The following ODR4 variants were observed in gnomAD, a reference collection of about 807,000 sequenced individuals.
ODR4 encodes the protein protein odr-4 homolog.
In ODR4, 47 loss-of-function variants were observed where a neutral mutation model predicts 60.2. That is an observed-to-expected ratio of 0.78 (90% CI 0.62 to 1.00). The LOEUF (loss-of-function observed/expected upper bound fraction) is 1.00. ODR4 is among the 50% of genes least tolerant of loss of function. The probability of loss-of-function intolerance (pLI) is 0.00; values close to 1 mark genes in which losing one functional copy is unlikely to be tolerated. For missense variants in ODR4, 488 were observed against 530.8 expected, an observed-to-expected ratio of 0.92 and a Z score of 0.79; for synonymous variants, 178 against 175.5, an observed-to-expected ratio of 1.01 and a Z score of -0.11.
intron 11 of ODR4, among the ~76,000 whole-genome samples, chr1:186,403,015 G>A (rs756760914): frequency 1.3e-5 from 2 of 152,172 alleles, no homozygotes; most frequent in Non-Finnish European, 2.9e-5. Flanking sequence ...TTGATACCAT[G>A]TTGGAGATGA....
chr1:186,389,580 T>C lies in ODR4; in HGVS notation c.438-8T>C, dbSNP rs1404739699. 1 of 1,534,476 alleles carries C rather than the reference T, an allele frequency of 6.5e-7. No homozygotes were observed. Among genetic ancestry groups the C allele is most frequent in the Admixed American group, 2.0e-5 (1 of 50,914 alleles). ...TTTTTTGGTTATTTCTGTCCTTAATTAGTGAAGAATATTTTGTCGAACTTA... is the reference window on the plus strand; with the variant it reads ...TTTTTTGGTTATTTCTGTCCTTAATCAGTGAAGAATATTTTGTCGAACTTA... On this transcript the variant is annotated splice_polypyrimidine_tract_variant and splice_region_variant and intron_variant, in intron 5 of 13. Coordinates refer to ENST00000287859, the MANE Select transcript of ODR4 (RefSeq NM_017847.6).
At chr1:186,400,847 T>C (rs1660915193) in intron 11 of ODR4, 1 of 445,884 alleles carries the variant, frequency 2.2e-6, no homozygotes, top group Non-Finnish European at 4.0e-6. Context: ...CATGCAACAA[T>C]TGGATTGAGA....
intron 11 of ODR4, 26 bp downstream of exon 11, chr1:186,399,070 T>G: frequency 7.0e-7 from 1 of 1,433,504 alleles, no homozygotes; most frequent in African/African-American, 1.4e-5. Context: ...AAGTACTTTT[T>G]TGCGTATCTT....
At chr1:186,386,136 A>T in intron 4 of ODR4, 53 bp downstream of exon 4, 1 of 1,029,216 alleles carries the variant, frequency 9.7e-7, no homozygotes, top group Admixed American at 2.4e-5. Context: ...TGTTATTTTT[A>T]CTGATTATGA....
At chr1:186,426,175 G>GT (rs1661876947), downstream of ODR4, among the ~76,000 whole-genome samples, 1 of 152,104 alleles carries the variant, frequency 6.6e-6, no homozygotes, top group African/African-American at 2.4e-5. Context: ...TTGAGGCTAC[G>GT]TAAGTTTTGG....
At chr1:186,412,901 A>C (rs1571699557) in intron 12 of ODR4, among the ~76,000 whole-genome samples, 1 of 152,150 alleles carries the variant, frequency 6.6e-6, no homozygotes, top group East Asian at 1.9e-4. Context: ...TCTGACTTGT[A>C]ATGAAAAATA....
chr1:186,402,234 C>CCTTT (rs1553236962), intron 11 of ODR4, among the ~76,000 whole-genome samples: 2 of 10,512 alleles, frequency 1.9e-4, no homozygotes, highest in Admixed American at 1.8e-3. Context: ...TTCTTTCTTT[C>CCTTT]CTTTCTTTCT....
chr1:186,379,089 C>G (rs1378771361), intron 1 of ODR4, among the ~76,000 whole-genome samples: 1 of 152,124 alleles, frequency 6.6e-6, no homozygotes, highest in South Asian at 2.1e-4. Flanking sequence ...AATGAGAACA[C>G]CAAGACTTAG....
chr1:186,389,244 C>T (rs1269697490), intron 5 of ODR4, among the ~76,000 whole-genome samples: 1 of 151,738 alleles, frequency 6.6e-6, no homozygotes, highest in Non-Finnish European at 1.5e-5. Flanking sequence ...CAGGTTTGAC[C>T]TCATATAAAA....
rs774323705 is a variant in ODR4, at chr1:186,417,615, A to G, written c.1258A>G (p.Ile420Val). ...NTDDEQPKQP[I>V]KTTMLLKIQQ... ...AGATGATGAACAACCAAAACAACCA[A>G]TTAAAACTACAATGTTATTGAAAAT... The change falls in exon 13 of 14, where the codon ATT becomes GTT. Residue 420 changes from isoleucine (I) to valine (V), a missense_variant. Ile to Val is a conservative substitution (Grantham distance 29, BLOSUM62 3). Transcript: ENST00000287859. 10 of 1,600,790 alleles carry G rather than the reference A, an allele frequency of 6.2e-6. No individual in the cohort carries two copies. The highest frequency in any genetic ancestry group is 8.5e-6 in the Non-Finnish European group (10 of 1,172,238).
At chr1:186,393,864 A>C (rs555631721) in intron 8 of ODR4, 83 bp from the exon 9 acceptor site, 3 of 700,648 alleles carry the variant, frequency 4.3e-6, no homozygotes. Flanking sequence ...TAAGTTACTT[A>C]GTATATGTAC....
rs150575483 is a variant in ODR4, at chr1:186,378,986, A to G, written c.-19-781A>G. Among the ~76,000 whole-genome samples, 7 of 152,352 alleles carry G rather than the reference A, an allele frequency of 4.6e-5. No individual in the cohort carries two copies. In the East Asian group the frequency reaches 1.3e-3, roughly 29 times the overall value. ...CCCACTTAGCATAGTTTCTAAGCAA[A>G]TAGTATAGTTCTTTCATATATGCTT... On this transcript the variant is annotated intron_variant, in intron 1 of 13. Transcript: ENST00000287859.
At position 186,421,053 on chromosome 1, in the gene ODR4, A is replaced by C. The variant is rs766204142; in HGVS notation, c.*1977A>C. The stretch of plus-strand genomic sequence containing the variant: ...AATACTTAGTAGGCTTCCTAACAGC[A>C]ACAATGTACCCAAAAGAGGGTAGAA... On this transcript the variant is annotated 3_prime_UTR_variant, in exon 14 of 14. Coordinates refer to ENST00000287859, the MANE Select transcript of ODR4 (RefSeq NM_017847.6). The C allele has an allele frequency of 2.0e-5, 3 of 152,220 alleles. No homozygotes were observed. The highest frequency in any genetic ancestry group is 4.4e-5 in the Non-Finnish European group (3 of 68,040). 9.4% of individuals were successfully genotyped at this position (152,220 alleles called of 1,614,324 possible).
chr1:186,417,395 T>A (rs1661613331), intron 12 of ODR4, 149 bp from the exon 13 acceptor site: 1 of 621,636 alleles, frequency 1.6e-6, no homozygotes, highest in Non-Finnish European at 2.9e-6. Context: ...CACCTACAAT[T>A]GATAATGAAC....
At chr1:186,418,447 C>T (rs1484234685) in intron 13 of ODR4, among the ~76,000 whole-genome samples, 10 of 151,878 alleles carry the variant, frequency 6.6e-5, no homozygotes, top group Admixed American at 2.0e-4. Flanking sequence ...CCCGCCACCG[C>T]GCCCGGCTAA....
Position 186,386,028 on chromosome 1 carries a change from T to C in ODR4, c.275T>C (p.Val92Ala), listed in dbSNP as rs1360095953. 6.2e-7 allele frequency: 1 copy of C among 1,606,168 alleles called. No homozygotes were observed. Among genetic ancestry groups the C allele is most frequent in the African/African-American group, 1.3e-5 (1 of 74,818 alleles). ...CCAGGGGGACTTTTAGTTCTTGGAG[T>C]ATTTATTATTACTACTTTAGAACTG... ...MLPGGLLVLG[V>A]FIITTLELAN... The change falls in exon 4 of 14, where the codon GTA becomes GCA. Residue 92 changes from valine to alanine, a missense_variant. Val to Ala is a moderately conservative substitution (Grantham distance 64). Transcript: ENST00000287859.
chr1:186,389,071 C>T (rs2102031750), intron 5 of ODR4, among the ~76,000 whole-genome samples: 1 of 152,098 alleles, frequency 6.6e-6, no homozygotes, highest in East Asian at 1.9e-4. Context: ...GGGTCATCCT[C>T]ACCAAAGGAG....
chr1:186,375,957 T>G lies in ODR4; in HGVS notation c.-37T>G, dbSNP rs1659736107. 4.7e-6 allele frequency: 1 copy of G among 213,236 alleles called. No homozygotes were observed. The highest frequency in any genetic ancestry group is 1.0e-5 in the Non-Finnish European group (1 of 97,686). The allele number at this position is 213,236 out of a possible 1,614,324, so 13.2% of individuals were successfully genotyped here. A position where few individuals can be genotyped will look rare whatever the true frequency, so the allele number is the denominator to read the frequency against. ...GTCCGAGGTAATTGTCTGCCACGAGTGCACATTCTGAAAACAGGTAAGTCA... is the reference window on the plus strand; with the variant it reads ...GTCCGAGGTAATTGTCTGCCACGAGGGCACATTCTGAAAACAGGTAAGTCA... On this transcript the variant is annotated 5_prime_UTR_variant, in exon 1 of 14. Coordinates refer to ENST00000287859, the MANE Select transcript of ODR4 (RefSeq NM_017847.6).
intron 12 of ODR4, among the ~76,000 whole-genome samples, chr1:186,409,810 C>T (rs796908873): frequency 7.9e-5 from 12 of 152,242 alleles, no homozygotes; most frequent in African/African-American, 2.9e-4. Flanking sequence ...TCCCAAAGTG[C>T]TGGGATTACA....
Sources: gnomAD v4.1 joint callset for allele counts (sites outside exome capture counted in the v4.1 genomes callset) on GRCh38, gnomAD v4.1.1 for gene constraint, MANE v1.5 for transcripts, NCBI Gene and HGNC (gene_info 2026-07-23, HGNC 2026-07-21) for gene names.